The following MCC variants were observed in gnomAD, a reference collection of about 807,000 sequenced individuals.
MCC encodes the protein colorectal mutant cancer protein.
A neutral mutation model predicts 116.2 loss-of-function variants in MCC; 90 were observed. The observed-to-expected ratio is 0.77, with a 90% CI of 0.65 to 0.92. MCC has a LOEUF of 0.92. Among genes scored for constraint, MCC ranks in the 40% least tolerant of loss-of-function variants. The pLI is 0.00. For synonymous variants in MCC, 578 were observed against 510.5 expected, an observed-to-expected ratio of 1.13 and a Z score of -1.78; for missense variants, 1,516 against 1,312.2, an observed-to-expected ratio of 1.16 and a Z score of -2.40.
intron 3 of MCC, among the ~76,000 whole-genome samples, chr5:113,207,185 T>C (rs961500448): frequency 6.6e-5 from 10 of 152,032 alleles, no homozygotes; most frequent in African/African-American, 2.2e-4. Flanking sequence ...ATCAGACAGA[T>C]TCGTATTTGA....
At chr5:113,258,817 G>C (rs1765118127) in intron 3 of MCC, among the ~76,000 whole-genome samples, 1 of 152,122 alleles carries the variant, frequency 6.6e-6, no homozygotes, top group African/African-American at 2.4e-5. Context: ...TAAATGCTGT[G>C]ACTCAAGAAG....
chr5:113,221,152 C>T (rs1308950010), intron 3 of MCC, among the ~76,000 whole-genome samples: 5 of 152,292 alleles, frequency 3.3e-5, no homozygotes, highest in East Asian at 1.9e-4. Flanking sequence ...TGCAGTGAGC[C>T]GTGATCGTGC....
intron 1 of MCC, among the ~76,000 whole-genome samples, chr5:113,425,971 G>A (rs1369232491): frequency 2.0e-5 from 3 of 152,034 alleles, no homozygotes; most frequent in African/African-American, 4.8e-5. Flanking sequence ...TCTGGCAGCC[G>A]AGGGCGGAAC....
At chr5:113,273,077 T>G (rs530827027) in intron 3 of MCC, among the ~76,000 whole-genome samples, 3 of 148,722 alleles carry the variant, frequency 2.0e-5, no homozygotes, top group Non-Finnish European at 4.6e-5. Context: ...GAGAGAGAAC[T>G]ATTAGTTCAA....
intron 3 of MCC, among the ~76,000 whole-genome samples, chr5:113,319,070 T>C (rs1767357052): frequency 6.6e-6 from 1 of 152,090 alleles, no homozygotes; most frequent in Non-Finnish European, 1.5e-5. Context: ...AGTTTTGCCA[T>C]GTTGCCAGGC....
chr5:113,255,373 AGGGTAAAAGG>A (rs1417521429), intron 3 of MCC, among the ~76,000 whole-genome samples: 1 of 152,166 alleles, frequency 6.6e-6, no homozygotes, highest in African/African-American at 2.4e-5. Context: ...ATTGGACAGA[AGGGTAAAAGG>A]TCCAAAATGA....
At chr5:113,355,965 G>T (rs763983743) in intron 2 of MCC, among the ~76,000 whole-genome samples, 1 of 152,048 alleles carries the variant, frequency 6.6e-6, no homozygotes, top group South Asian at 2.1e-4. Flanking sequence ...AGCACTCCCT[G>T]TGCCCAGAGG....
chr5:113,159,598 C>T (rs1380359195), intron 3 of MCC, among the ~76,000 whole-genome samples: 2 of 152,200 alleles, frequency 1.3e-5, no homozygotes, highest in African/African-American at 4.8e-5. Flanking sequence ...TATGTCCCAG[C>T]TATCCTTGGA....
chr5:113,142,468 GCCAA>G (rs1018597910), intron 5 of MCC, among the ~76,000 whole-genome samples: 1 of 151,860 alleles, frequency 6.6e-6, no homozygotes, highest in African/African-American at 2.4e-5. Flanking sequence ...AGACTTAGAG[GCCAA>G]GTGATTAATA....
At chr5:113,119,316 G>C (rs549626803) in intron 6 of MCC, among the ~76,000 whole-genome samples, 4 of 152,330 alleles carry the variant, frequency 2.6e-5, no homozygotes, top group Admixed American at 6.5e-5. Context: ...ATGAAGCAGG[G>C]AAAGGGAAGC....
chr5:113,247,469 T>C (rs903956062), intron 3 of MCC, among the ~76,000 whole-genome samples: 6 of 152,138 alleles, frequency 3.9e-5, no homozygotes, highest in South Asian at 2.1e-4. Flanking sequence ...AGCTAAGGAA[T>C]TGAGACTATT....
At chr5:113,433,731 G>A in intron 1 of MCC, 1 of 1,607,944 alleles carries the variant, frequency 6.2e-7, no homozygotes, top group African/African-American at 1.3e-5. Context: ...TGGGCCGCAA[G>A]AAGCTCACTG....
At chr5:113,232,546 C>T (rs1356916326) in intron 3 of MCC, among the ~76,000 whole-genome samples, 1 of 152,122 alleles carries the variant, frequency 6.6e-6, no homozygotes, top group East Asian at 1.9e-4. Context: ...GAGACTCTGT[C>T]AGTTTACTTG....
At chr5:113,327,008 TG>T (rs1486181486) in intron 3 of MCC, among the ~76,000 whole-genome samples, 1 of 152,190 alleles carries the variant, frequency 6.6e-6, no homozygotes, top group Admixed American at 6.5e-5. Flanking sequence ...GCAACAAAAA[TG>T]GTTCCTAAAT....
At chr5:113,293,071 G>C (rs1176708959) in intron 3 of MCC, among the ~76,000 whole-genome samples, 1 of 152,126 alleles carries the variant, frequency 6.6e-6, no homozygotes, top group Non-Finnish European at 1.5e-5. Flanking sequence ...CATTCAGCCA[G>C]CACCTCAAAA....
In MCC at chr5:113,443,991, T is replaced by TTGTGTGTGTGTGTGTGTGTG. The variant is rs34145955; in HGVS notation, c.170+44234_170+44253dup. ...GGGCCCACCACCATGCTCGGCTAAT[T>TTGTGTGTGTGTGTGTGTGTG]TGTGTGTGTGTGTGTGTGTGTGTGT... On this transcript the variant is annotated intron_variant, in intron 1 of 18. Coordinates refer to ENST00000408903, the MANE Select transcript of MCC (RefSeq NM_001085377.2). 5.9e-3 allele frequency among the ~76,000 whole-genome samples: 852 copies of TTGTGTGTGTGTGTGTGTGTG among 144,042 alleles called. 4 individuals carry two copies. The highest frequency in any genetic ancestry group is 9.3e-3 in the African/African-American group (352 of 38,034). The allele number at this position is 144,042 out of a possible 152,430, so 94.5% of individuals were successfully genotyped here.
chr5:113,388,927 C>T (rs945570997), intron 1 of MCC, among the ~76,000 whole-genome samples: 2 of 152,112 alleles, frequency 1.3e-5, no homozygotes, highest in African/African-American at 4.8e-5. Context: ...GCATCTCGGA[C>T]ATTAATAACA....
intron 3 of MCC, among the ~76,000 whole-genome samples, chr5:113,196,945 A>T (rs1332713696): frequency 6.6e-6 from 1 of 152,226 alleles, no homozygotes; most frequent in African/African-American, 2.4e-5. Flanking sequence ...TGGAACAATT[A>T]ATTAAGGGTG....
chr5:113,289,187 C>A (rs149170413), intron 3 of MCC, among the ~76,000 whole-genome samples: 1 of 151,688 alleles, frequency 6.6e-6, no homozygotes, highest in African/African-American at 2.4e-5. Flanking sequence ...AAAAATTAGC[C>A]GGGAGTGGTG....
Sources: gnomAD v4.1 joint callset for allele counts (sites outside exome capture counted in the v4.1 genomes callset) on GRCh38, gnomAD v4.1.1 for gene constraint, MANE v1.5 for transcripts, NCBI Gene and HGNC (gene_info 2026-07-23, HGNC 2026-07-21) for gene names.